Variants in TCF4 observed in about 807,000 individuals in gnomAD.
TCF4 encodes the protein SL3-3 enhancer factor 2.
A neutral mutation model predicts 82.1 loss-of-function variants in TCF4; 3 were observed. The ratio of observed to expected loss-of-function variants is 0.04; its 90% CI spans 0.02 to 0.09. TCF4 has a LOEUF of 0.09. TCF4 is among the 10% of genes least tolerant of loss of function. The pLI, the probability that TCF4 is intolerant of heterozygous loss-of-function variation, is 1.00. For synonymous variants in TCF4, 276 were observed against 309.6 expected, an observed-to-expected ratio of 0.89 and a Z score of 1.14; for missense variants, 518 against 852.7, an observed-to-expected ratio of 0.61 and a Z score of 4.89.
At chr18:55,520,187 T>C (rs767361874) in intron 3 of TCF4, among the ~76,000 whole-genome samples, 3 of 152,260 alleles carry the variant, frequency 2.0e-5, no homozygotes, top group Admixed American at 1.3e-4. Flanking sequence ...CATAAGAATG[T>C]CTCTAGGAAT....
chr18:55,446,131 T>TC (rs1030005765), intron 5 of TCF4, among the ~76,000 whole-genome samples: 143 of 152,170 alleles, frequency 9.4e-4, no homozygotes, highest in African/African-American at 3.1e-3. Flanking sequence ...AACCTCTGCC[T>TC]CCCCTGCCTC....
Position 55,505,735 on chromosome 18 carries a change from C to T in TCF4, c.146-41598G>A, listed in dbSNP as rs796518092. On this transcript the variant is annotated intron_variant, in intron 3 of 19. Coordinates refer to ENST00000354452, the MANE Select transcript of TCF4 (RefSeq NM_001083962.2). ...AGGAGAATGGCGTGAACCCGGGAGGCGGAGCTTGCAGTGAGCCGAGATCCC... is the reference window on the plus strand; with the variant it reads ...AGGAGAATGGCGTGAACCCGGGAGGTGGAGCTTGCAGTGAGCCGAGATCCC... Among the ~76,000 whole-genome samples the T allele has an allele frequency of 8.0e-3, 1,120 of 139,784 alleles. 24 individuals carry two copies. The highest frequency in any genetic ancestry group is 0.028 in the African/African-American group (1,060 of 38,128). The allele number at this position is 139,784 out of a possible 152,430, so 91.7% of individuals were successfully genotyped here. A position where few individuals can be genotyped will look rare whatever the true frequency, so the allele number is the denominator to read the frequency against.
intron 3 of TCF4, among the ~76,000 whole-genome samples, chr18:55,570,390 A>G (rs1454195388): frequency 6.6e-6 from 1 of 152,224 alleles, no homozygotes; most frequent in Non-Finnish European, 1.5e-5. Flanking sequence ...AAGTCACAAA[A>G]TAAGAGAAGG....
chr18:55,472,758 T>C (rs969923680), intron 3 of TCF4, among the ~76,000 whole-genome samples: 1 of 152,012 alleles, frequency 6.6e-6, no homozygotes, highest in Admixed American at 6.6e-5. Context: ...AAAATCAAAG[T>C]ACCATCTAAC....
At chr18:55,482,557 G>A (rs1336831883) in intron 3 of TCF4, among the ~76,000 whole-genome samples, 5 of 152,212 alleles carry the variant, frequency 3.3e-5, no homozygotes, top group Admixed American at 6.5e-5. Flanking sequence ...CATATTAATA[G>A]TGTACAGTGT....
intron 3 of TCF4, among the ~76,000 whole-genome samples, chr18:55,566,296 G>A (rs904076397): frequency 2.6e-5 from 4 of 152,024 alleles, no homozygotes; most frequent in Admixed American, 6.5e-5. Context: ...GAGAGACAAC[G>A]GAGATCCGGA....
intron 8 of TCF4, chr18:55,321,986 T>C (rs1468083389): frequency 2.4e-6 from 3 of 1,258,740 alleles, no homozygotes; most frequent in East Asian, 3.0e-5. Context: ...GAAATCCTAA[T>C]GCATACGCGA....
chr18:55,480,296 A>AAAAG (rs1568175293), intron 3 of TCF4, among the ~76,000 whole-genome samples: 54 of 63,326 alleles, frequency 8.5e-4, no homozygotes, highest in African/African-American at 8.9e-4. Flanking sequence ...AAAAAAAAAA[A>AAAAG]GCGGGGGGGC....
chr18:55,259,640 T>G, intron 13 of TCF4: 1 of 297,940 alleles, frequency 3.4e-6, no homozygotes, highest in Non-Finnish European at 6.3e-6. Flanking sequence ...TCTGAGACGT[T>G]TTATTGGAAT....
At chr18:55,250,219 C>T (rs886464149) in intron 15 of TCF4, among the ~76,000 whole-genome samples, 21 of 152,222 alleles carry the variant, frequency 1.4e-4, no homozygotes, top group African/African-American at 4.8e-4. Flanking sequence ...AGAGTTCACA[C>T]CTCTTAGGCA....
intron 5 of TCF4, among the ~76,000 whole-genome samples, chr18:55,408,512 G>A (rs1161409883): frequency 1.3e-5 from 2 of 152,130 alleles, no homozygotes; most frequent in African/African-American, 4.8e-5. Flanking sequence ...ACATACATGA[G>A]GTTATTATTT....
chr18:55,333,668 G>T (rs149506452), intron 8 of TCF4, among the ~76,000 whole-genome samples: 2 of 152,064 alleles, frequency 1.3e-5, no homozygotes, highest in Non-Finnish European at 2.9e-5. Flanking sequence ...AAGTAAAATT[G>T]GGCCATACCA....
intron 4 of TCF4, 35 bp from the exon 5 acceptor site, chr18:55,461,150 A>G: frequency 6.5e-7 from 1 of 1,546,094 alleles, no homozygotes; most frequent in Non-Finnish European, 8.9e-7. Flanking sequence ...TTATTATTTT[A>G]TATTAATAAA....
intron 5 of TCF4, among the ~76,000 whole-genome samples, chr18:55,457,644 C>T (rs2095790931): frequency 6.6e-6 from 1 of 152,114 alleles, no homozygotes; most frequent in Admixed American, 6.5e-5. Flanking sequence ...TGCCACCACG[C>T]CTGGCTAAGT....
intron 6 of TCF4, among the ~76,000 whole-genome samples, chr18:55,394,902 C>A (rs2146261731): frequency 6.6e-6 from 1 of 152,326 alleles, no homozygotes; most frequent in East Asian, 1.9e-4. Context: ...AGCAGGTTAT[C>A]ACTATCAGGC....
chr18:55,545,730 G>T (rs1015786817), intron 3 of TCF4, among the ~76,000 whole-genome samples: 2 of 152,104 alleles, frequency 1.3e-5, no homozygotes, highest in East Asian at 1.9e-4. Flanking sequence ...GATTACAGGC[G>T]TGAGACACCA....
intron 16 of TCF4, among the ~76,000 whole-genome samples, chr18:55,233,308 G>A (rs1413703822): frequency 6.6e-6 from 1 of 152,178 alleles, no homozygotes. Context: ...TATCTGTCAA[G>A]TATTCCTCTT....
intron 6 of TCF4, among the ~76,000 whole-genome samples, chr18:55,396,985 T>C (rs566751602): frequency 2.0e-5 from 3 of 152,316 alleles, no homozygotes; most frequent in Admixed American, 1.3e-4. Context: ...AAGTCTTCAG[T>C]TGAAATAACT....
At chr18:55,553,942 T>C (rs1291480407) in intron 3 of TCF4, among the ~76,000 whole-genome samples, 1 of 152,190 alleles carries the variant, frequency 6.6e-6, no homozygotes, top group African/African-American at 2.4e-5. Flanking sequence ...AGCAAGCATC[T>C]ATCCTGGTCT....
Sources: gnomAD v4.1 joint callset for allele counts (sites outside exome capture counted in the v4.1 genomes callset) on GRCh38, gnomAD v4.1.1 for gene constraint, MANE v1.5 for transcripts, NCBI Gene and HGNC (gene_info 2026-07-23, HGNC 2026-07-21) for gene names.